Variants in SYCP2 observed in about 807,000 individuals in gnomAD.
The protein encoded by SYCP2 is synaptonemal complex protein 2.
A neutral mutation model predicts 211.3 loss-of-function variants in SYCP2; 55 were observed. That is an observed-to-expected ratio of 0.26 (90% confidence interval 0.21 to 0.33). The LOEUF is 0.33. Ranked by LOEUF, SYCP2 falls within the 10% of genes least tolerant of loss-of-function variation. SYCP2 has a pLI of 1.00. For synonymous variants in SYCP2, 570 were observed against 555.2 expected (o/e 1.03, Z -0.37); for missense variants, 1,731 against 1,752.0 (o/e 0.99, Z 0.21).
intron 39 of SYCP2, among the ~76,000 whole-genome samples, chr20:59,867,424 G>T (rs2059371065): frequency 6.8e-6 from 1 of 146,714 alleles, no homozygotes; most frequent in South Asian, 2.2e-4. Flanking sequence ...CATAAAAAAT[G>T]TCTTGAAAAG....
At chr20:59,898,446 T>C (rs1188172736) in intron 18 of SYCP2, among the ~76,000 whole-genome samples, 1 of 152,170 alleles carries the variant, frequency 6.6e-6, no homozygotes, top group Admixed American at 6.6e-5. Flanking sequence ...GAAACCATCA[T>C]TCTCAGCAAA....
In SYCP2 at chr20:59,920,341, T is replaced by C; in HGVS notation, c.297+18A>G. The C allele has an allele frequency of 6.4e-7, 1 of 1,550,548 alleles. No homozygotes were observed. Among genetic ancestry groups the C allele is most frequent in the South Asian group, 1.2e-5 (1 of 85,610 alleles). On this transcript the variant is annotated intron_variant, in intron 5 of 44. Transcript: ENST00000357552. ...TAATATTTCATTCACATGAATATGT[T>C]ACATATTCTATACTTATCTTTTGTA...
intron 21 of SYCP2, 90 bp downstream of exon 21, chr20:59,893,434 A>G: frequency 4.5e-6 from 4 of 884,586 alleles, no homozygotes; most frequent in Non-Finnish European, 6.9e-6. Context: ...TTTTCAAATC[A>G]ATGAAAGCCA....
rs1440766503 is a variant in SYCP2, at chr20:59,892,618, A to T, written c.1877T>A (p.Leu626Gln). 11 of 1,610,266 alleles carry T rather than the reference A, an allele frequency of 6.8e-6. No homozygotes were observed. Among genetic ancestry groups the T allele is most frequent in the Non-Finnish European group, 8.5e-6 (10 of 1,178,104 alleles). Residue 626 changes from leucine (L) to glutamine (Q), a missense_variant, in exon 23 of 45, where the codon CTA (leucine) becomes CAA (glutamine). Transcript: ENST00000357552. The part of the protein sequence containing the change: ...ACWTPVTNIE[L>Q]CNNQRASTSS... Reference sequence around the variant, plus strand: ...AGTACTTGCTCTTTGGTTATTACATAGTTCAATGTTTGTTACAGGTGTCCA... The same window carrying T: ...AGTACTTGCTCTTTGGTTATTACATTGTTCAATGTTTGTTACAGGTGTCCA...
chr20:59,921,034 C>G (rs2060531967), intron 4 of SYCP2, among the ~76,000 whole-genome samples: 1 of 151,422 alleles, frequency 6.6e-6, no homozygotes, highest in Non-Finnish European at 1.5e-5. Flanking sequence ...CTTCAAAGAG[C>G]TAAAGTATTT....
Position 59,882,180 on chromosome 20 carries a change from AT to A in SYCP2, c.2530-16del. ...TGAACTTTTTCCTGAAAAGAGGGTT[AT>A]AAAAAAATCATTAAATGGCTAACAG... On this transcript the variant is annotated splice_polypyrimidine_tract_variant and intron_variant, in intron 26 of 44. Transcript: ENST00000357552. 9 of 1,592,430 alleles carry A rather than the reference AT, an allele frequency of 5.7e-6. No individual in the cohort carries two copies. Among genetic ancestry groups the A allele is most frequent in the Non-Finnish European group, 6.9e-6 (8 of 1,163,098 alleles).
chr20:59,885,438 A>G (rs79364382), intron 26 of SYCP2, among the ~76,000 whole-genome samples: 2,945 of 152,280 alleles, frequency 0.019, 42 homozygotes, highest in Middle Eastern at 0.041. Flanking sequence ...TCGACAGGGG[A>G]GAAAACATTC....
chr20:59,875,188 G>A, intron 34 of SYCP2, 83 bp downstream of exon 34: 2 of 856,192 alleles, frequency 2.3e-6, no homozygotes, highest in South Asian at 2.1e-5. Flanking sequence ...CTCAAAATTA[G>A]TCTTAAAATT....
In SYCP2 at chr20:59,885,973, A is replaced by G. The variant is rs2059779736; in HGVS notation, c.2493-9T>C. The G allele has an allele frequency of 6.3e-7, 1 of 1,598,430 alleles. No individual in the cohort carries two copies. The highest frequency in any genetic ancestry group is 1.1e-5 in the South Asian group (1 of 88,290). ...GTTTGTTTGAAAAACCACTGTAAAA[A>G]AAGATTTTGTCAAAATTGAAAAAGC... is the stretch of plus-strand genomic sequence containing the variant. On this transcript the variant is annotated splice_polypyrimidine_tract_variant and intron_variant, in intron 25 of 44. Transcript: ENST00000357552.
Position 59,864,400 on chromosome 20 carries a change from A to G in SYCP2, c.4516-12T>C, listed in dbSNP as rs75764379. On this transcript the variant is annotated splice_polypyrimidine_tract_variant and intron_variant, in intron 44 of 44. Transcript: ENST00000357552. ...AGCTCCTCTTCTAGCTATAGCCAAG[A>G]AAAAAAAAATCACACTTAGATTTCA... is the stretch of plus-strand genomic sequence containing the variant. 1 of 1,444,388 alleles carries G rather than the reference A, an allele frequency of 6.9e-7. No homozygotes were observed. Among genetic ancestry groups the G allele is most frequent in the East Asian group, 2.4e-5 (1 of 42,306 alleles). The allele number at this position is 1,444,388 out of a possible 1,614,324, so 89.5% of individuals were successfully genotyped here. A position where few individuals can be genotyped will look rare whatever the true frequency, so the allele number is the denominator to read the frequency against.
chr20:59,864,920 C>T (rs911053194), intron 44 of SYCP2, among the ~76,000 whole-genome samples: 1 of 151,946 alleles, frequency 6.6e-6, no homozygotes, highest in African/African-American at 2.4e-5. Context: ...ATCCACATTT[C>T]CCCCCAGAAT....
chr20:59,865,095 A>G (rs756314382), intron 44 of SYCP2, among the ~76,000 whole-genome samples: 2 of 152,054 alleles, frequency 1.3e-5, no homozygotes, highest in Non-Finnish European at 2.9e-5. Context: ...AGCAGGACAG[A>G]CGCCTGCTGC....
At chr20:59,870,553 C>G (rs1428551393) in intron 35 of SYCP2, among the ~76,000 whole-genome samples, 1 of 151,196 alleles carries the variant, frequency 6.6e-6, no homozygotes, top group East Asian at 1.9e-4. Flanking sequence ...GGAAATAAGA[C>G]AAAAAAGTGG....
rs764635942 is a variant in SYCP2, at chr20:59,916,660, C to T, written c.428-89G>A. 4 of 863,026 alleles carry T rather than the reference C, an allele frequency of 4.6e-6. No homozygotes were observed. In the African/African-American group the frequency reaches 5.1e-5, roughly 11 times the overall value. The allele number at this position is 863,026 out of a possible 1,614,324, so 53.5% of individuals were successfully genotyped here. A position where few individuals can be genotyped will look rare whatever the true frequency, so the allele number is the denominator to read the frequency against. Reference sequence around the variant, plus strand: ...TCTTATAAGAGTTAGTGGAAAGGGGCCAGGCATGGTAACTCAGGCCTATAA... The same window carrying T: ...TCTTATAAGAGTTAGTGGAAAGGGGTCAGGCATGGTAACTCAGGCCTATAA... On this transcript the variant is annotated intron_variant, in intron 7 of 44. Transcript: ENST00000357552.
chr20:59,896,437 C>T lies in SYCP2; in HGVS notation c.1496G>A (p.Ser499Asn). The stretch of plus-strand genomic sequence containing the variant: ...AAAACTATAAAACTTACATGTGTTG[C>T]TGAAAAGCACTGGACTTCTCATAGT... ...RYTMRSPVLFSNTSIPPRRRR... is the reference protein window; with the variant it reads ...RYTMRSPVLFNNTSIPPRRRR... Residue 499 changes from serine to asparagine, a missense_variant, in exon 19 of 45, where the codon AGC becomes AAC. By Grantham distance (46) the Ser-to-Asn change is conservative (BLOSUM62 1). Around this residue, in one of 3 missense-constraint regions of SYCP2, gnomAD observed 1,387 missense variants for 1,351.3 expected, o/e 1.03. Transcript: ENST00000357552. The T allele has an allele frequency of 6.4e-7, 1 of 1,552,986 alleles. No homozygotes were observed. The highest frequency in any genetic ancestry group is 1.7e-5 in the Admixed American group (1 of 57,204).
intron 18 of SYCP2, among the ~76,000 whole-genome samples, chr20:59,897,632 G>A (rs770729553): frequency 5.3e-5 from 8 of 151,868 alleles, no homozygotes; most frequent in Non-Finnish European, 1.0e-4. Flanking sequence ...TAATTATCTC[G>A]GGGAAATAAA....
intron 2 of SYCP2, among the ~76,000 whole-genome samples, chr20:59,931,535 C>G (rs2060740679): frequency 6.6e-6 from 1 of 152,106 alleles, no homozygotes; most frequent in Admixed American, 6.5e-5. Context: ...TGTGGGGGCT[C>G]CATTTATACT....
intron 18 of SYCP2, among the ~76,000 whole-genome samples, chr20:59,898,560 G>A (rs545103311): frequency 8.5e-5 from 13 of 152,232 alleles, no homozygotes; most frequent in Non-Finnish European, 1.5e-4. Flanking sequence ...GGGACCTGTT[G>A]CGGGGTGGGG....
At chr20:59,881,408 G>T in intron 29 of SYCP2, 29 bp downstream of exon 29, 2 of 1,226,886 alleles carry the variant, frequency 1.6e-6, no homozygotes, top group South Asian at 1.4e-5. Context: ...AAAAAGATCA[G>T]AATATTTTAA....
Sources: allele counts gnomAD v4.1 joint callset (sites outside exome capture counted in the v4.1 genomes callset), GRCh38; gene constraint gnomAD v4.1.1; regional missense constraint gnomAD v4.1.1; transcripts MANE v1.5; gene names NCBI Gene and HGNC (gene_info 2026-07-23, HGNC 2026-07-21).